The following TAB2 variants were observed in gnomAD, a reference collection of about 807,000 sequenced individuals.
TAB2 encodes the protein TGF-beta activated kinase 1 (MAP3K7) binding protein 2.
TAB2 carries 3 observed loss-of-function variants against 65.0 expected under a neutral mutation model. That is an observed-to-expected ratio of 0.05 (90% CI 0.02 to 0.12). The LOEUF (loss-of-function observed/expected upper bound fraction) is 0.12, where lower values mean the gene tolerates loss of function less well. TAB2 is among the 10% of genes least tolerant of loss of function. The probability of loss-of-function intolerance (pLI) is 1.00; values close to 1 mark genes in which losing one functional copy is unlikely to be tolerated. For synonymous variants in TAB2, 298 were observed against 285.1 expected, an observed-to-expected ratio of 1.05 and a Z score of -0.46; for missense variants, 623 against 840.3, an observed-to-expected ratio of 0.74 and a Z score of 3.20.
At chr6:149,364,941 G>T (rs995888276) in intron 1 of TAB2, among the ~76,000 whole-genome samples, 5 of 151,730 alleles carry the variant, frequency 3.3e-5, no homozygotes, top group Admixed American at 1.3e-4. Context: ...TAGTTACTAA[G>T]AAATCAAAAA....
intron 6 of TAB2, among the ~76,000 whole-genome samples, chr6:149,405,150 G>C (rs1272251464): frequency 6.6e-6 from 1 of 152,100 alleles, no homozygotes; most frequent in Admixed American, 6.5e-5. Flanking sequence ...ATAGCCAACA[G>C]GTATATTGAA....
At chr6:149,277,520 T>C (rs1778498179) in intron 1 of TAB2, among the ~76,000 whole-genome samples, 1 of 152,112 alleles carries the variant, frequency 6.6e-6, no homozygotes, top group Non-Finnish European at 1.5e-5. Context: ...ACAAACCAAA[T>C]ATTAACACCA....
chr6:149,269,924 G>A (rs938697615), intron 1 of TAB2, among the ~76,000 whole-genome samples: 3 of 152,292 alleles, frequency 2.0e-5, no homozygotes, highest in Admixed American at 2.0e-4. Context: ...ATTTTTGTGT[G>A]GACATAGGTT....
intron 6 of TAB2, among the ~76,000 whole-genome samples, chr6:149,409,313 A>G (rs901297037): frequency 2.6e-5 from 4 of 152,162 alleles, no homozygotes; most frequent in African/African-American, 4.8e-5. Flanking sequence ...TTATTCTACT[A>G]TAAATTGTAG....
Position 149,378,184 on chromosome 6 carries a change from A to G in TAB2, c.269A>G (p.His90Arg), listed in dbSNP as rs1390081390. ...LDLQSQNIYH[H>R]GREGSRMNGS... is the part of the protein sequence containing the mutation. ...TTGCAATCACAGAACATTTACCACC[A>G]TGGAAGAGAAGGAAGTAGGATGAAT... The change falls in exon 3 of 7, where the codon CAT becomes CGT. Residue 90 changes from histidine (H) to arginine (R), a missense_variant. Around this residue, in one of 3 missense-constraint regions of TAB2, gnomAD observed 550 missense variants for 665.7 expected, o/e 0.83. Transcript: ENST00000637181. 1 of 1,614,174 alleles carries G rather than the reference A, an allele frequency of 6.2e-7. No homozygotes were observed. The highest frequency in any genetic ancestry group is 1.1e-5 in the South Asian group (1 of 91,084).
intron 1 of TAB2, among the ~76,000 whole-genome samples, chr6:149,254,027 G>GA (rs1777938091): frequency 1.5e-5 from 2 of 131,632 alleles, no homozygotes; most frequent in Non-Finnish European, 3.2e-5. Context: ...AGAAAGAAAA[G>GA]AAAGAAAGAG....
At chr6:149,263,162 A>G (rs1211827518) in intron 1 of TAB2, among the ~76,000 whole-genome samples, 1 of 152,178 alleles carries the variant, frequency 6.6e-6, no homozygotes, top group Non-Finnish European at 1.5e-5. Flanking sequence ...TCAACTGATC[A>G]AATTTCATAG....
At chr6:149,359,424 G>A (rs1240078682) in intron 1 of TAB2, among the ~76,000 whole-genome samples, 1 of 152,058 alleles carries the variant, frequency 6.6e-6, no homozygotes, top group Non-Finnish European at 1.5e-5. Context: ...CTTTAATTTT[G>A]TAAGGGAGAT....
intron 3 of TAB2, chr6:149,380,008 G>T (rs1781556919): frequency 8.9e-6 from 4 of 448,588 alleles, no homozygotes. Flanking sequence ...GGGAGGCCAA[G>T]ATGGGAGGAT....
chr6:149,341,481 A>G (rs1780124810), intron 1 of TAB2, among the ~76,000 whole-genome samples: 1 of 152,204 alleles, frequency 6.6e-6, no homozygotes. Context: ...GAATGCCTAT[A>G]TGTGCCACAC....
At chr6:149,299,537 A>G (rs748824021) in intron 1 of TAB2, among the ~76,000 whole-genome samples, 4 of 152,204 alleles carry the variant, frequency 2.6e-5, no homozygotes, top group Non-Finnish European at 5.9e-5. Context: ...GCTCTACTGC[A>G]CTCCAGCCTG....
intron 1 of TAB2, among the ~76,000 whole-genome samples, chr6:149,360,287 T>C (rs1780800040): frequency 6.6e-6 from 1 of 152,220 alleles, no homozygotes; most frequent in African/African-American, 2.4e-5. Flanking sequence ...AATAAGGGTT[T>C]AATTGGCTCC....
chr6:149,353,932 GT>G (rs1462445646), intron 1 of TAB2, among the ~76,000 whole-genome samples: 6 of 152,114 alleles, frequency 3.9e-5, no homozygotes, highest in Admixed American at 3.9e-4. Context: ...ACACGTATAT[GT>G]TTTTTAACCC....
At chr6:149,400,095 A>G (rs537145331) in intron 6 of TAB2, 5 of 390,786 alleles carry the variant, frequency 1.3e-5, no homozygotes, top group South Asian at 6.4e-5. Flanking sequence ...CAAACTGCCA[A>G]TAGTAAGTCC....
chr6:149,243,971 T>C (rs1777650802), intron 1 of TAB2: 1 of 152,238 alleles, frequency 6.6e-6, no homozygotes, highest in Non-Finnish European at 1.5e-5. Context: ...GCATCCAGTG[T>C]GGCAAATGGA....
rs1728305283 is a variant in TAB2 at position 149,369,899 on chromosome 6, T to C, written c.-89-10T>C. On this transcript the variant is annotated splice_polypyrimidine_tract_variant and intron_variant, in intron 1 of 6. Coordinates refer to ENST00000637181, the MANE Select transcript of TAB2 (RefSeq NM_001292034.3). ...AGTTCTCATTAAAATTTTTTTTCTT[T>C]CTTTCACAGAAAATGCTTGGACAGA... 4 of 1,099,324 alleles carry C rather than the reference T, an allele frequency of 3.6e-6. No homozygotes were observed. Among genetic ancestry groups the C allele is most frequent in the African/African-American group, 1.5e-5 (1 of 64,612 alleles). The allele number at this position is 1,099,324 out of a possible 1,614,324, so 68.1% of individuals were successfully genotyped here. A position where few individuals can be genotyped will look rare whatever the true frequency, so the allele number is the denominator to read the frequency against.
intron 1 of TAB2, among the ~76,000 whole-genome samples, chr6:149,305,156 T>C (rs1383467792): frequency 6.6e-6 from 1 of 152,248 alleles, no homozygotes; most frequent in Non-Finnish European, 1.5e-5. Flanking sequence ...GAGCCGACTG[T>C]ACTGCGGTCT....
chr6:149,238,680 A>C (rs1777543547), intron 1 of TAB2, among the ~76,000 whole-genome samples: 1 of 152,148 alleles, frequency 6.6e-6, no homozygotes. Flanking sequence ...AGTGATTCTC[A>C]CTGTGAATCA....
At chr6:149,289,669 A>T (rs569348389) in intron 1 of TAB2, among the ~76,000 whole-genome samples, 6 of 152,338 alleles carry the variant, frequency 3.9e-5, no homozygotes, top group African/African-American at 1.4e-4. Context: ...TGATGAAAAA[A>T]GTCAAACTCT....
Sources: gnomAD v4.1 joint callset for allele counts (sites outside exome capture counted in the v4.1 genomes callset) on GRCh38, gnomAD v4.1.1 for gene constraint, gnomAD v4.1.1 regional missense constraint, MANE v1.5 for transcripts, NCBI Gene and HGNC (gene_info 2026-07-23, HGNC 2026-07-21) for gene names.